Variants in TENM4 observed in about 807,000 individuals in gnomAD.
TENM4 encodes teneurin transmembrane protein 4.
In TENM4, 82 loss-of-function variants were observed where a neutral mutation model predicts 243.3. The ratio of observed to expected loss-of-function variants is 0.34; its 90% CI spans 0.28 to 0.40. The LOEUF (loss-of-function observed/expected upper bound fraction) is 0.40, where lower values mean the gene tolerates loss of function less well. TENM4 is among the 10% of genes least tolerant of loss of function. The pLI is 1.00. For synonymous variants in TENM4, 1,412 were observed against 1,456.3 expected (o/e 0.97, Z 0.69); for missense variants, 3,138 against 3,673.3 (o/e 0.85, Z 3.77).
chr11:79,247,121 A>C (rs773115478), intron 2 of TENM4, among the ~76,000 whole-genome samples: 6 of 152,016 alleles, frequency 3.9e-5, no homozygotes, highest in Admixed American at 6.6e-5. Flanking sequence ...TTCAGTGTAT[A>C]AGAAGAATAT....
intron 1 of TENM4, among the ~76,000 whole-genome samples, chr11:79,304,597 T>C (rs1025766562): frequency 5.3e-5 from 8 of 152,150 alleles, no homozygotes; most frequent in Non-Finnish European, 1.2e-4. Context: ...CTTGTTTAGG[T>C]ATCATTTTTG....
At chr11:79,135,996 A>G (rs1862102942) in intron 4 of TENM4, among the ~76,000 whole-genome samples, 1 of 151,850 alleles carries the variant, frequency 6.6e-6, no homozygotes, top group African/African-American at 2.4e-5. Context: ...TGAGGATTCA[A>G]AGGCATAACA....
intron 4 of TENM4, among the ~76,000 whole-genome samples, chr11:79,085,548 T>A (rs1324242265): frequency 1.3e-5 from 2 of 152,110 alleles, no homozygotes; most frequent in Non-Finnish European, 2.9e-5. Flanking sequence ...CCTTACAGGG[T>A]TGTCTTGAGG....
chr11:79,308,412 C>T (rs998399137), intron 1 of TENM4, among the ~76,000 whole-genome samples: 4 of 151,994 alleles, frequency 2.6e-5, no homozygotes. Flanking sequence ...ACTATCATAA[C>T]CGTGAGGTAG....
chr11:79,175,906 G>A (rs603919), intron 3 of TENM4, among the ~76,000 whole-genome samples: 34,378 of 151,950 alleles, frequency 0.23, 4,697 homozygotes, highest in Non-Finnish European at 0.31. Context: ...GCAACACAAG[G>A]AGACCATGTC....
At chr11:79,404,886 T>C (rs1037836648) in intron 1 of TENM4, among the ~76,000 whole-genome samples, 10 of 151,980 alleles carry the variant, frequency 6.6e-5, no homozygotes, top group African/African-American at 2.4e-4. Flanking sequence ...GGGGGAATAG[T>C]AGACAAAATA....
intron 3 of TENM4, among the ~76,000 whole-genome samples, chr11:79,203,700 G>A (rs1157601125): frequency 6.6e-6 from 1 of 152,158 alleles, no homozygotes; most frequent in Non-Finnish European, 1.5e-5. Flanking sequence ...ATATAAAGTG[G>A]CATAGTACAG....
At chr11:78,952,786 T>C (rs1857131700) in intron 6 of TENM4, among the ~76,000 whole-genome samples, 1 of 152,204 alleles carries the variant, frequency 6.6e-6, no homozygotes, top group African/African-American at 2.4e-5. Context: ...TCCTTTATCC[T>C]AGCAAACTCC....
chr11:79,228,425 C>T (rs770990388), intron 2 of TENM4, among the ~76,000 whole-genome samples: 47 of 152,158 alleles, frequency 3.1e-4, no homozygotes, highest in Admixed American at 5.2e-4. Context: ...AATGAACTGC[C>T]GCATGCCTCA....
At chr11:79,268,354 G>T (rs998617016) in intron 2 of TENM4, among the ~76,000 whole-genome samples, 1 of 152,184 alleles carries the variant, frequency 6.6e-6, no homozygotes, top group African/African-American at 2.4e-5. Context: ...CAGGCAACAG[G>T]CCTGTGGGCT....
At chr11:79,004,843 G>A (rs1306059355) in intron 6 of TENM4, among the ~76,000 whole-genome samples, 1 of 148,640 alleles carries the variant, frequency 6.7e-6, no homozygotes, top group African/African-American at 2.5e-5. Flanking sequence ...AGACTGACAA[G>A]CTGCTAGCTA....
At position 78,924,567 on chromosome 11, in the gene TENM4, C is replaced by T. The variant is rs147487842; in HGVS notation, c.494-21044G>A. On this transcript the variant is annotated intron_variant, in intron 6 of 33. Coordinates refer to ENST00000278550, the MANE Select transcript of TENM4 (RefSeq NM_001098816.3). ...TAGAAAATGAAGGCAAGAAATTACA[C>T]TGTATTAGACTGTAGTGAGTGTCAA... 3.2e-3 allele frequency: 485 copies of T among 152,288 alleles called. 2 individuals carry two copies. The highest frequency in any genetic ancestry group is 0.011 in the African/African-American group (460 of 41,552). 9.4% of individuals were successfully genotyped at this position (152,288 alleles called of 1,614,324 possible).
At chr11:79,370,449 A>T (rs1857759716) in intron 1 of TENM4, among the ~76,000 whole-genome samples, 1 of 152,208 alleles carries the variant, frequency 6.6e-6, no homozygotes, top group Non-Finnish European at 1.5e-5. Flanking sequence ...TATTCCCTCC[A>T]TCATGCGAAG....
chr11:79,345,126 T>G (rs1857305236), intron 1 of TENM4, among the ~76,000 whole-genome samples: 1 of 152,250 alleles, frequency 6.6e-6, no homozygotes, highest in Non-Finnish European at 1.5e-5. Flanking sequence ...GCTGGTAATG[T>G]GTATTCATTG....
In TENM4 at chr11:78,670,149, G is replaced by C. The variant is rs535411148; in HGVS notation, c.6196C>G (p.Arg2066Gly). 3 of 1,613,910 alleles carry C rather than the reference G, an allele frequency of 1.9e-6. No homozygotes were observed. The East Asian group carries it at 6.7e-5, about 36-fold the overall frequency. The change falls in exon 32 of 34, where the codon CGA becomes GGA. Residue 2066 changes from arginine (R) to glycine (G), a missense_variant. By Grantham distance (125) the Arg-to-Gly change is moderately radical. This residue lies in a region of TENM4 where 2,467 missense variants were observed against 3,059.1 expected (regional missense o/e 0.81). Coordinates refer to ENST00000278550, the MANE Select transcript of TENM4 (RefSeq NM_001098816.3). The stretch of plus-strand genomic sequence containing the variant: ...TCCTCAGTGAAGCGGAAGATCTGTC[G>C]GTCAATCAGGGGCCCAATCTGACGG... ...RYRQIGPLID[R>G]QIFRFTEEGM...
chr11:79,008,245 G>C (rs1858542746), intron 6 of TENM4, among the ~76,000 whole-genome samples: 1 of 152,186 alleles, frequency 6.6e-6, no homozygotes, highest in South Asian at 2.1e-4. Context: ...TCCAGAGACA[G>C]AGCGATTTCA....
At chr11:79,096,145 GT>G (rs1249595192) in intron 4 of TENM4, 1 of 152,192 alleles carries the variant, frequency 6.6e-6, no homozygotes, top group African/African-American at 2.4e-5. Context: ...CTGGGTCTCT[GT>G]TTCCTGTTCT....
chr11:79,281,132 G>A (rs531455328), intron 2 of TENM4, among the ~76,000 whole-genome samples: 15 of 152,230 alleles, frequency 9.9e-5, no homozygotes, highest in African/African-American at 3.1e-4. Flanking sequence ...TCAGCCTTCC[G>A]GGAGCTTCCT....
chr11:79,198,508 C>T (rs993531194), intron 3 of TENM4, among the ~76,000 whole-genome samples: 14 of 152,192 alleles, frequency 9.2e-5, no homozygotes, highest in African/African-American at 2.9e-4. Context: ...CCTTCACAGT[C>T]TTTATTTCCT....
Sources: allele counts gnomAD v4.1 joint callset (sites outside exome capture counted in the v4.1 genomes callset), GRCh38; gene constraint gnomAD v4.1.1; regional missense constraint gnomAD v4.1.1; transcripts MANE v1.5; gene names NCBI Gene and HGNC (gene_info 2026-07-23, HGNC 2026-07-21).